KNDC1: variants seen among roughly 807,000 people sequenced by gnomAD.
KNDC1 encodes kinase non-catalytic C-lobe domain containing 1, also known as kinase non-catalytic C-lobe domain-containing protein 1.
KNDC1 carries 106 observed loss-of-function variants against 172.8 expected under a neutral mutation model. The observed-to-expected ratio is 0.61, with a 90% CI of 0.52 to 0.72. The LOEUF (loss-of-function observed/expected upper bound fraction) is 0.72. Among genes scored for constraint, KNDC1 ranks in the 30% least tolerant of loss-of-function variants. The pLI is 0.00. For synonymous variants in KNDC1, 1,083 were observed against 1,062.2 expected (o/e 1.02, Z -0.38); for missense variants, 2,325 against 2,394.5 (o/e 0.97, Z 0.61).
At chr10:133,179,263 G>A (rs915525888) in intron 3 of KNDC1, 5 of 152,216 alleles carry the variant, frequency 3.3e-5, no homozygotes, top group African/African-American at 1.2e-4. Context: ...TGTCTGCAGA[G>A]CCCTGGCCAG....
rs1845525803 is a variant in KNDC1, at chr10:133,218,969, G to A, written c.4800+16G>A. The A allele has an allele frequency of 1.2e-6, 2 of 1,613,658 alleles. No individual in the cohort carries two copies. The highest frequency in any genetic ancestry group is 1.7e-5 in the Admixed American group (1 of 60,030). On this transcript the variant is annotated intron_variant, in intron 27 of 29. Coordinates refer to ENST00000304613, the MANE Select transcript of KNDC1 (RefSeq NM_152643.8). The stretch of plus-strand genomic sequence containing the variant: ...GCAGTCCCCTGTGCGTCCCCCTCGG[G>A]CCCCAAGGCGGGGGTGGGTACCCGC...
At chr10:133,185,387 GTA>G (rs1853865187) in intron 5 of KNDC1, among the ~76,000 whole-genome samples, 1 of 140,590 alleles carries the variant, frequency 7.1e-6, no homozygotes, top group Non-Finnish European at 1.6e-5. Context: ...TAGGCAGTGT[GTA>G]CAGTGTGGAG....
chr10:133,195,684 G>A lies in KNDC1; in HGVS notation c.1597G>A (p.Ala533Thr), dbSNP rs775446781. ...CCAGGCCTCTGTGTACTGTGTGGCC[G>A]CCGTTCTGTGGACCGCAGCCAAGTT... Reference protein sequence around the residue: ...TEKASVYCVAAVLWTAAKFSV... With the variant: ...TEKASVYCVATVLWTAAKFSV... The change falls in exon 10 of 30, where the codon GCC (alanine) becomes ACC (threonine). Residue 533 changes from alanine to threonine, a missense_variant. Physicochemically the swap from Ala to Thr is moderately conservative, Grantham distance 58. Transcript: ENST00000304613. 25 of 1,611,268 alleles carry A rather than the reference G, an allele frequency of 1.6e-5. No individual in the cohort carries two copies. Among genetic ancestry groups the A allele is most frequent in the East Asian group, 1.1e-4 (5 of 44,764 alleles).
In KNDC1 at chr10:133,186,028, G is replaced by A. The variant is rs1421801776; in HGVS notation, c.680G>A (p.Arg227Lys). The change falls in exon 6 of 30, where the codon AGG becomes AAG. Residue 227 changes from arginine to lysine, a missense_variant. Physicochemically the swap from Arg to Lys is conservative, Grantham distance 26. Transcript: ENST00000304613. ...CCTGCCCCAGGAAACGCTGGGCCCA[G>A]GAGGCCGCCCGGGGACCCCAGCACT... Reference protein sequence around the residue: ...ERPAPGNAGPRRPPGDPSTDP... With the variant: ...ERPAPGNAGPKRPPGDPSTDP... 1 of 1,601,538 alleles carries A rather than the reference G, an allele frequency of 6.2e-7. No individual in the cohort carries two copies. The highest frequency in any genetic ancestry group is 2.3e-5 in the East Asian group (1 of 44,438).
At chr10:133,196,177 G>A (rs2135991830) in intron 10 of KNDC1, among the ~76,000 whole-genome samples, 1 of 152,290 alleles carries the variant, frequency 6.6e-6, no homozygotes, top group South Asian at 2.1e-4. Context: ...CCCTGCTGGA[G>A]GGGAGCAGAG....
At chr10:133,160,598 C>T (rs1237229454) in intron 1 of KNDC1, 29 bp downstream of exon 1, 1 of 1,495,358 alleles carries the variant, frequency 6.7e-7, no homozygotes, top group Admixed American at 2.0e-5. Context: ...TGGGGGGCCC[C>T]TTCCGCCGCC....
intron 3 of KNDC1, among the ~76,000 whole-genome samples, chr10:133,180,434 G>A (rs774684622): frequency 6.6e-6 from 1 of 152,266 alleles, no homozygotes; most frequent in Non-Finnish European, 1.5e-5. Context: ...CGTCTCAGGG[G>A]CAGGAGGAGC....
rs1845551132 is a variant in KNDC1, at chr10:133,220,069, G to A, written c.4975G>A (p.Gly1659Ser). The stretch of plus-strand genomic sequence containing the variant: ...GCACATCCAGCAGCTGGAGACAGGC[G>A]GCTTCACCATGACCAACGGGGCCCA... ...AMHIQQLETG[G>S]FTMTNGAHRW... The change falls in exon 29 of 30, where the codon GGC (glycine) becomes AGC (serine). Residue 1659 changes from glycine to serine, a missense_variant. Physicochemically the swap from Gly to Ser is moderately conservative, Grantham distance 56 (BLOSUM62 0). Coordinates refer to ENST00000304613, the MANE Select transcript of KNDC1 (RefSeq NM_152643.8). 15 of 1,566,448 alleles carry A rather than the reference G, an allele frequency of 9.6e-6. No homozygotes were observed. Among genetic ancestry groups the A allele is most frequent in the South Asian group, 2.3e-5 (2 of 85,232 alleles).
chr10:133,208,224 A>G (rs1451106419), intron 20 of KNDC1, among the ~76,000 whole-genome samples: 1 of 147,452 alleles, frequency 6.8e-6, no homozygotes, highest in Non-Finnish European at 1.5e-5. Flanking sequence ...GCCACCCCCA[A>G]CCCCGTTACC....
At chr10:133,199,705 G>C in intron 15 of KNDC1, 103 bp downstream of exon 15, 2 of 1,300,622 alleles carry the variant, frequency 1.5e-6, no homozygotes, top group Non-Finnish European at 2.1e-6. Context: ...CCAACCCTCC[G>C]CTTCCATCTC....
At chr10:133,184,284 C>T (rs1414199073) in intron 5 of KNDC1, among the ~76,000 whole-genome samples, 1 of 130,890 alleles carries the variant, frequency 7.6e-6, no homozygotes, top group Non-Finnish European at 1.7e-5. Context: ...CACACACACG[C>T]TGCACACACA....
intron 3 of KNDC1, chr10:133,174,252 G>A (rs1853460751): frequency 6.6e-6 from 1 of 152,342 alleles, no homozygotes. Context: ...CTGTGAGAAG[G>A]TGGAGTTTCA....
At chr10:133,187,869 C>G (rs1168772127) in intron 6 of KNDC1, among the ~76,000 whole-genome samples, 2 of 151,930 alleles carry the variant, frequency 1.3e-5, no homozygotes, top group African/African-American at 2.4e-5. Context: ...TCAGCCCACA[C>G]GAAACCCCAA....
intron 8 of KNDC1, 35 bp downstream of exon 8, chr10:133,189,704 C>G: frequency 6.2e-7 from 1 of 1,613,742 alleles, no homozygotes; most frequent in East Asian, 2.2e-5. Context: ...CCGAGTCCAG[C>G]ACCGGCTCGC....
chr10:133,160,294 C>G lies in KNDC1; in HGVS notation c.-174C>G, dbSNP rs903663917. On this transcript the variant is annotated 5_prime_UTR_variant, in exon 1 of 30. Coordinates refer to ENST00000304613, the MANE Select transcript of KNDC1 (RefSeq NM_152643.8). Reference sequence around the variant, plus strand: ...CCCCGCGCACCCCGCGCCCCCCGCGCCCCCCGGGCCCGCCCCGTATCCCTG... The same window carrying G: ...CCCCGCGCACCCCGCGCCCCCCGCGGCCCCCGGGCCCGCCCCGTATCCCTG... Among the ~76,000 whole-genome samples, 12 of 149,114 alleles carry G rather than the reference C, an allele frequency of 8.0e-5. No homozygotes were observed. Among genetic ancestry groups the G allele is most frequent in the Non-Finnish European group, 1.6e-4 (11 of 66,878 alleles).
At chr10:133,190,738 C>T (rs1218985616) in intron 9 of KNDC1, among the ~76,000 whole-genome samples, 2 of 152,224 alleles carry the variant, frequency 1.3e-5, no homozygotes, top group Non-Finnish European at 2.9e-5. Context: ...GTCCTGAACC[C>T]CAGCAATAGA....
At position 133,224,800 on chromosome 10, in the gene KNDC1, T is replaced by C; in HGVS notation, c.5160T>C (p.Asp1720=). ...SGADISTLAA[D]SRANFHQVSS... ...CCGACATTTCCACACTCGCCGCAGA[T>C]AGCAGGGCCAACTTCCACCAGGTCT... The change falls in exon 30 of 30, where the codon GAT becomes GAC. Residue 1720 remains aspartate (D), a synonymous_variant. Coordinates refer to ENST00000304613, the MANE Select transcript of KNDC1 (RefSeq NM_152643.8). This position sits in a 1 kb window ranked among gnomAD's most constrained non-coding sequence, Gnocchi z 5.4. 6.2e-7 allele frequency: 1 copy of C among 1,614,100 alleles called. No individual in the cohort carries two copies. Among genetic ancestry groups the C allele is most frequent in the Non-Finnish European group, 8.5e-7 (1 of 1,180,026 alleles).
intron 26 of KNDC1, among the ~76,000 whole-genome samples, chr10:133,214,778 G>A (rs893315984): frequency 1.3e-5 from 2 of 152,224 alleles, no homozygotes; most frequent in African/African-American, 2.4e-5. Context: ...TAGGTCCTGT[G>A]GGGCTTGGGC....
chr10:133,203,968 AC>A (rs919115181), intron 17 of KNDC1, among the ~76,000 whole-genome samples: 1 of 152,168 alleles, frequency 6.6e-6, no homozygotes, highest in African/African-American at 2.4e-5. Context: ...GCTCGCAGGC[AC>A]CCGCCTCCAG....
Sources: allele counts gnomAD v4.1 joint callset (sites outside exome capture counted in the v4.1 genomes callset), GRCh38; gene constraint gnomAD v4.1.1; non-coding constraint Gnocchi (gnomAD v3.1); transcripts MANE v1.5; gene names NCBI Gene and HGNC (gene_info 2026-07-23, HGNC 2026-07-21).